Variants in CPSF3 observed in about 807,000 individuals in gnomAD.
CPSF3 encodes the protein cleavage and polyadenylation specificity factor subunit 3.
CPSF3 carries 57 observed loss-of-function variants against 84.1 expected under a neutral mutation model. The ratio of observed to expected loss-of-function variants is 0.68; its 90% CI spans 0.55 to 0.85. The LOEUF (loss-of-function observed/expected upper bound fraction) is 0.85. CPSF3 is among the 40% of genes least tolerant of loss of function. The pLI, the probability that CPSF3 is intolerant of heterozygous loss-of-function variation, is 0.00. For synonymous variants in CPSF3, 275 were observed against 278.1 expected, an observed-to-expected ratio of 0.99 and a Z score of 0.11; for missense variants, 522 against 838.8, an observed-to-expected ratio of 0.62 and a Z score of 4.66.
At chr2:9,432,758 T>TAA in intron 5 of CPSF3, 70 bp downstream of exon 5, 11 of 1,137,820 alleles carry the variant, frequency 9.7e-6, no homozygotes, top group Non-Finnish European at 1.3e-5. Flanking sequence ...CAAGTACTAT[T>TAA]AAAAAAAAAA....
chr2:9,436,631 G>A (rs1202624165), intron 7 of CPSF3, among the ~76,000 whole-genome samples: 2 of 152,026 alleles, frequency 1.3e-5, no homozygotes, highest in East Asian at 1.9e-4. Context: ...AATTAGCCGG[G>A]CACAGTGACA....
At chr2:9,424,959 C>A (rs1680321516) in intron 1 of CPSF3, 1 of 152,178 alleles carries the variant, frequency 6.6e-6, no homozygotes, top group Non-Finnish European at 1.5e-5. Flanking sequence ...GTGAACATCG[C>A]GGTAGGTGCT....
At chr2:9,461,327 T>C (rs1434822416) in intron 15 of CPSF3, among the ~76,000 whole-genome samples, 1 of 152,190 alleles carries the variant, frequency 6.6e-6, no homozygotes, top group African/African-American at 2.4e-5. Flanking sequence ...ACAGTCTTAA[T>C]CCTGGGGTAG....
At chr2:9,471,514 C>A in intron 17 of CPSF3, 75 bp downstream of exon 17, 1 of 882,528 alleles carries the variant, frequency 1.1e-6, no homozygotes, top group Non-Finnish European at 1.9e-6. Flanking sequence ...TGTGCTCTCA[C>A]ACTCAACAGT....
At chr2:9,438,139 A>G (rs1298511846) in intron 7 of CPSF3, among the ~76,000 whole-genome samples, 1 of 152,238 alleles carries the variant, frequency 6.6e-6, no homozygotes, top group Non-Finnish European at 1.5e-5. Flanking sequence ...TCCCTGTCAC[A>G]CTGAAAAGGA....
chr2:9,430,108 TAA>T lies in CPSF3; in HGVS notation c.212+91_212+92del, dbSNP rs1320775209. 1.3e-4 allele frequency: 100 copies of T among 792,938 alleles called. 1 individual carries two copies. The highest frequency in any genetic ancestry group is 1.3e-3 in the South Asian group (67 of 53,148). The allele number at this position is 792,938 out of a possible 1,614,324, so 49.1% of individuals were successfully genotyped here. ...ACTAGATTTTGAGAGTTTGGTTTTT[TAA>T]AAGAGTGTTTTCTGCTAGGAAGCAT... On this transcript the variant is annotated intron_variant, in intron 3 of 17. Coordinates refer to ENST00000238112, the MANE Select transcript of CPSF3 (RefSeq NM_016207.4).
At chr2:9,443,807 G>A (rs1681035650) in intron 10 of CPSF3, 146 bp downstream of exon 10, 1 of 819,082 alleles carries the variant, frequency 1.2e-6, no homozygotes, top group Admixed American at 2.8e-5. Context: ...ACTCGGATTT[G>A]GCCTTTACAA....
intron 11 of CPSF3, among the ~76,000 whole-genome samples, chr2:9,450,809 A>G (rs1045810157): frequency 4.6e-5 from 7 of 152,100 alleles, no homozygotes; most frequent in African/African-American, 1.7e-4. Context: ...TTTACGACAC[A>G]CTTTTAATAC....
In CPSF3 at chr2:9,440,937, G is replaced by A. The variant is rs570811257; in HGVS notation, c.936+271G>A. 7.9e-5 allele frequency among the ~76,000 whole-genome samples: 12 copies of A among 152,304 alleles called. No individual in the cohort carries two copies. The East Asian group carries it at 2.1e-3, about 27-fold the overall frequency. ...CTGGAGTCTTACCGCTTCTCAACAG[G>A]TGTCGTTTTTCTGCAGAAAATCAAA... On this transcript the variant is annotated intron_variant, in intron 8 of 17. Coordinates refer to ENST00000238112, the MANE Select transcript of CPSF3 (RefSeq NM_016207.4).
Position 9,467,690 on chromosome 2 carries a change from G to C in CPSF3, c.1787-17G>C. 1 of 1,565,426 alleles carries C rather than the reference G, an allele frequency of 6.4e-7. No homozygotes were observed. Among genetic ancestry groups the C allele is most frequent in the Non-Finnish European group, 8.7e-7 (1 of 1,146,138 alleles). On this transcript the variant is annotated splice_polypyrimidine_tract_variant and intron_variant, in intron 15 of 17. Coordinates refer to ENST00000238112, the MANE Select transcript of CPSF3 (RefSeq NM_016207.4). Reference sequence around the variant, plus strand: ...GAATTTAGAAACTGAACTCTCTGTCGCTTTTTTTTTTCCCAGGTGCAGTAC... The same window carrying C: ...GAATTTAGAAACTGAACTCTCTGTCCCTTTTTTTTTTCCCAGGTGCAGTAC...
chr2:9,470,469 T>G (rs1321937343), intron 16 of CPSF3, among the ~76,000 whole-genome samples: 1 of 152,212 alleles, frequency 6.6e-6, no homozygotes, highest in African/African-American at 2.4e-5. Flanking sequence ...TGCTGTTTCC[T>G]AACACCTCTG....
intron 15 of CPSF3, among the ~76,000 whole-genome samples, chr2:9,465,081 ATAGTT>A (rs1233932385): frequency 2.0e-5 from 3 of 152,300 alleles, no homozygotes; most frequent in African/African-American, 7.2e-5. Flanking sequence ...GAATTCTAGA[ATAGTT>A]TAGGAGAAAT....
chr2:9,434,650 T>G (rs1680714163), intron 6 of CPSF3, among the ~76,000 whole-genome samples: 1 of 152,324 alleles, frequency 6.6e-6, no homozygotes, highest in African/African-American at 2.4e-5. Flanking sequence ...AGGCCCTTAG[T>G]CCATGCTAAC....
chr2:9,459,803 C>G (rs1056139520), intron 15 of CPSF3, among the ~76,000 whole-genome samples, 185 bp downstream of exon 15: 2 of 151,730 alleles, frequency 1.3e-5, no homozygotes, highest in Non-Finnish European at 2.9e-5. Flanking sequence ...ATGCCTGCCA[C>G]CACACCCAGC....
intron 14 of CPSF3, among the ~76,000 whole-genome samples, chr2:9,458,056 G>T (rs1012718486): frequency 6.6e-6 from 1 of 152,188 alleles, no homozygotes; most frequent in South Asian, 2.1e-4. Flanking sequence ...CTTTGGTCCC[G>T]ATGCAATTCT....
At chr2:9,468,619 C>CTTTTTTT (rs5829213) in intron 16 of CPSF3, among the ~76,000 whole-genome samples, 4 of 108,334 alleles carry the variant, frequency 3.7e-5, no homozygotes, top group Non-Finnish European at 5.1e-5. Flanking sequence ...CTACACTGAC[C>CTTTTTTT]TTTTTTTTTT....
At chr2:9,450,363 C>G (rs1256118247) in intron 11 of CPSF3, among the ~76,000 whole-genome samples, 1 of 151,890 alleles carries the variant, frequency 6.6e-6, no homozygotes, top group Non-Finnish European at 1.5e-5. Context: ...CCACATTGGC[C>G]AGGCTGGTCT....
intron 2 of CPSF3, among the ~76,000 whole-genome samples, 189 bp from the exon 3 acceptor site, chr2:9,429,734 T>C (rs950056485): frequency 6.6e-6 from 1 of 152,232 alleles, no homozygotes; most frequent in Admixed American, 6.5e-5. Context: ...AGCTATATTT[T>C]AAATTTGTTG....
intron 7 of CPSF3, among the ~76,000 whole-genome samples, chr2:9,439,983 A>AG (rs1271357933): frequency 6.6e-6 from 1 of 152,026 alleles, no homozygotes; most frequent in Non-Finnish European, 1.5e-5. Context: ...AAACACAAAC[A>AG]AAAACAAACA....
Sources: gnomAD v4.1 joint callset for allele counts (sites outside exome capture counted in the v4.1 genomes callset) on GRCh38, gnomAD v4.1.1 for gene constraint, MANE v1.5 for transcripts, NCBI Gene and HGNC (gene_info 2026-07-23, HGNC 2026-07-21) for gene names.